Variants in AK5 observed in about 807,000 individuals in gnomAD.
The protein encoded by AK5 is adenylate kinase 5, also known as adenylate kinase isoenzyme 5.
In AK5, 27 loss-of-function variants were observed where a neutral mutation model predicts 69.5. The ratio of observed to expected loss-of-function variants is 0.39; its 90% CI spans 0.29 to 0.54. The LOEUF (loss-of-function observed/expected upper bound fraction) is 0.54. Among genes scored for constraint, AK5 ranks in the 20% least tolerant of loss-of-function variants. The pLI, the probability that AK5 is intolerant of heterozygous loss-of-function variation, is 0.71. For synonymous variants in AK5, 260 were observed against 244.4 expected (o/e 1.06, Z -0.60); for missense variants, 531 against 700.4 (o/e 0.76, Z 2.73).
chr1:77,418,694 A>T (rs1650592490), intron 8 of AK5, among the ~76,000 whole-genome samples: 1 of 152,250 alleles, frequency 6.6e-6, no homozygotes, highest in Non-Finnish European at 1.5e-5. Flanking sequence ...AGTGCTCCTC[A>T]GCAATGGCTA....
Position 77,518,594 on chromosome 1 carries a change from G to A in AK5, c.1178G>A (p.Cys393Tyr). The A allele has an allele frequency of 6.2e-7, 1 of 1,614,180 alleles. No homozygotes were observed. The highest frequency in any genetic ancestry group is 1.3e-5 in the African/African-American group (1 of 75,050). The change falls in exon 11 of 14, where the codon TGT (cysteine) becomes TAT (tyrosine). Residue 393 changes from cysteine to tyrosine, a missense_variant. Physicochemically the swap from Cys to Tyr is radical, Grantham distance 194 (BLOSUM62 -2). Transcript: ENST00000354567. ...GGPGSGKGTQ[C>Y]EKLVEKYGFT... ...CCTGGCTCTGGCAAAGGCACACAGT[G>A]TGAAAAGCTGGTGGAAAAATATGGA...
At chr1:77,347,625 ATTTCTC>A (rs1386127689) in intron 6 of AK5, among the ~76,000 whole-genome samples, 21 of 152,204 alleles carry the variant, frequency 1.4e-4, no homozygotes. Flanking sequence ...CGTGATCACA[ATTTCTC>A]TTTCAATCTT....
intron 6 of AK5, among the ~76,000 whole-genome samples, chr1:77,402,929 C>T (rs1649337200): frequency 6.6e-6 from 1 of 152,144 alleles, no homozygotes; most frequent in African/African-American, 2.4e-5. Flanking sequence ...AAAAGTGTTC[C>T]TATTTCTCCA....
intron 6 of AK5, among the ~76,000 whole-genome samples, chr1:77,376,221 G>C (rs1488410273): frequency 1.3e-5 from 2 of 152,048 alleles, no homozygotes; most frequent in African/African-American, 2.4e-5. Context: ...GAACATGACA[G>C]TAATTTGATT....
chr1:77,421,350 A>C (rs1650798602), intron 8 of AK5, among the ~76,000 whole-genome samples: 1 of 152,188 alleles, frequency 6.6e-6, no homozygotes, highest in African/African-American at 2.4e-5. Context: ...TAAAGCCAGG[A>C]TTCAAAAGGT....
chr1:77,529,138 AT>A (rs1658438330), intron 12 of AK5, among the ~76,000 whole-genome samples: 11 of 152,164 alleles, frequency 7.2e-5, no homozygotes, highest in Admixed American at 1.3e-4. Flanking sequence ...GATAATACCT[AT>A]TAATATTTAA....
At chr1:77,533,509 C>CAAAAAAAAAAAAAAAAAAAAAAAAA (rs10526328) in intron 12 of AK5, among the ~76,000 whole-genome samples, 1 of 94,938 alleles carries the variant, frequency 1.1e-5, no homozygotes, top group African/African-American at 5.0e-5. Flanking sequence ...ACTCTGTCAC[C>CAAAAAAAAAAAAAAAAAAAAAAAAA]AAAAAAAAAA....
chr1:77,389,288 C>T, intron 6 of AK5, among the ~76,000 whole-genome samples: 1 of 152,172 alleles, frequency 6.6e-6, no homozygotes, highest in East Asian at 1.9e-4. Context: ...AGAAACATTC[C>T]ATTTTCAAAC....
intron 10 of AK5, 55 bp downstream of exon 10, chr1:77,486,407 G>T (rs1655592973): frequency 1.4e-6 from 2 of 1,390,740 alleles, no homozygotes; most frequent in South Asian, 1.2e-5. Context: ...ATAAGAATTT[G>T]GTAGTGGGCC....
intron 9 of AK5, among the ~76,000 whole-genome samples, chr1:77,485,085 T>A (rs1655505277): frequency 6.6e-6 from 1 of 152,240 alleles, no homozygotes; most frequent in South Asian, 2.1e-4. Flanking sequence ...GAGATGACCA[T>A]CTGGTTCCAC....
At chr1:77,358,384 A>G (rs905481790) in intron 6 of AK5, among the ~76,000 whole-genome samples, 10 of 152,202 alleles carry the variant, frequency 6.6e-5, no homozygotes, top group Admixed American at 2.0e-4. Flanking sequence ...ATTAGAAAAC[A>G]CGTGAGAACC....
intron 6 of AK5, among the ~76,000 whole-genome samples, chr1:77,404,493 C>G (rs1649482303): frequency 1.3e-5 from 2 of 152,106 alleles, no homozygotes; most frequent in African/African-American, 4.8e-5. Context: ...TACACACAAC[C>G]TCTCCAACAC....
chr1:77,351,236 A>G (rs1662180393), intron 6 of AK5, among the ~76,000 whole-genome samples: 1 of 151,990 alleles, frequency 6.6e-6, no homozygotes, highest in Non-Finnish European at 1.5e-5. Context: ...TCTACCAAAA[A>G]TACAAAAAAT....
At chr1:77,540,567 G>A (rs1256252337) in intron 13 of AK5, 1 of 152,210 alleles carries the variant, frequency 6.6e-6, no homozygotes, top group Non-Finnish European at 1.5e-5. Flanking sequence ...ATGGCCATAA[G>A]TAACTGAAAT....
chr1:77,542,327 A>T (rs1659322839), intron 13 of AK5, among the ~76,000 whole-genome samples: 1 of 152,232 alleles, frequency 6.6e-6, no homozygotes, highest in South Asian at 2.1e-4. Context: ...GGTCTCAAAA[A>T]AAAAGAGCAA....
chr1:77,434,984 A>C (rs985448149), intron 8 of AK5, among the ~76,000 whole-genome samples: 4 of 152,234 alleles, frequency 2.6e-5, no homozygotes, highest in Non-Finnish European at 5.9e-5. Context: ...AAGAAAAACC[A>C]AGATTGCAGA....
At chr1:77,493,450 T>G (rs576764061) in intron 10 of AK5, among the ~76,000 whole-genome samples, 9 of 152,096 alleles carry the variant, frequency 5.9e-5, no homozygotes, top group Non-Finnish European at 1.2e-4. Flanking sequence ...AGTGAACCAA[T>G]TCTCATAATG....
intron 6 of AK5, among the ~76,000 whole-genome samples, chr1:77,365,658 C>T (rs559515457): frequency 2.0e-5 from 3 of 152,278 alleles, no homozygotes; most frequent in South Asian, 4.2e-4. Flanking sequence ...ATAGGGTTCA[C>T]GCTTCTATGA....
intron 8 of AK5, among the ~76,000 whole-genome samples, chr1:77,422,214 C>A (rs761307073): frequency 2.6e-5 from 4 of 152,146 alleles, no homozygotes; most frequent in Non-Finnish European, 5.9e-5. Flanking sequence ...CTCCACTGCC[C>A]ATGCTTTGGT....
Sources: allele counts gnomAD v4.1 joint callset (sites outside exome capture counted in the v4.1 genomes callset), GRCh38; gene constraint gnomAD v4.1.1; transcripts MANE v1.5; gene names NCBI Gene and HGNC (gene_info 2026-07-23, HGNC 2026-07-21).